ZNF2: variants seen among roughly 807,000 people sequenced by gnomAD.
ZNF2 encodes zinc finger protein 2, also known as zinc finger protein 2.2.
Under a neutral mutation model 21.9 loss-of-function variants are expected in ZNF2, and 12 were observed. That is an observed-to-expected ratio of 0.55 (90% confidence interval 0.35 to 0.89). The LOEUF is 0.89. ZNF2 is among the 40% of genes least tolerant of loss of function. The pLI is 0.01. For missense variants in ZNF2, 462 were observed against 544.2 expected, an observed-to-expected ratio of 0.85 and a Z score of 1.50; for synonymous variants, 186 against 196.3, an observed-to-expected ratio of 0.95 and a Z score of 0.44.
Position 95,181,548 on chromosome 2 carries a change from C to T in ZNF2, c.720C>T (p.Asp240=), listed in dbSNP as rs1298788631. 4.0e-5 allele frequency: 65 copies of T among 1,614,048 alleles called. 1 individual carries two copies. Among genetic ancestry groups the T allele is most frequent in the Non-Finnish European group, 5.3e-5 (63 of 1,180,038 alleles). The change falls in exon 5 of 5, where the codon GAC becomes GAT. Residue 240 remains aspartate, a synonymous_variant. Transcript: ENST00000614034. Reference sequence around the variant, plus strand: ...GTGTGTGCTCAAAAGCCTTCTTTGACCGTTCGTCCCTAACTGTCCATCAGC... The same window carrying T: ...GTGTGTGCTCAAAAGCCTTCTTTGATCGTTCGTCCCTAACTGTCCATCAGC... ...ECSVCSKAFF[D]RSSLTVHQRI...
chr2:95,170,466 C>T (rs1472053291), intron 1 of ZNF2, among the ~76,000 whole-genome samples: 1 of 152,094 alleles, frequency 6.6e-6, no homozygotes, highest in Admixed American at 6.6e-5. Context: ...TTAAATAACC[C>T]TGAGCTGTCT....
Position 95,181,336 on chromosome 2 carries a change from G to C in ZNF2, c.508G>C (p.Glu170Gln). Residue 170 changes from glutamate (E) to glutamine (Q), a missense_variant, in exon 5 of 5, where the codon GAG (glutamate) becomes CAG (glutamine). Coordinates refer to ENST00000614034, the MANE Select transcript of ZNF2 (RefSeq NM_021088.4). Reference sequence around the variant, plus strand: ...CCTGTCCAGGGAAATTCTCACTAAAGAGAGACACCAGGAATGCAGTGACTG... The same window carrying C: ...CCTGTCCAGGGAAATTCTCACTAAACAGAGACACCAGGAATGCAGTGACTG... ...SALSREILTK[E>Q]RHQECSDCGK... The C allele has an allele frequency of 1.2e-6, 2 of 1,614,212 alleles. No homozygotes were observed. The highest frequency in any genetic ancestry group is 1.7e-6 in the Non-Finnish European group (2 of 1,180,034).
At chr2:95,167,230 A>G (rs1202221341) in intron 1 of ZNF2, among the ~76,000 whole-genome samples, 8 of 152,240 alleles carry the variant, frequency 5.3e-5, no homozygotes, top group Admixed American at 5.2e-4. Context: ...ATGGCCGGGC[A>G]CAGTGGCTCA....
intron 3 of ZNF2, among the ~76,000 whole-genome samples, chr2:95,178,295 C>T (rs185769807): frequency 7.9e-5 from 12 of 152,200 alleles, no homozygotes; most frequent in Admixed American, 2.6e-4. Context: ...GAGAAACCGG[C>T]TTAAAATAAG....
chr2:95,168,124 GAAA>G (rs879786532), intron 1 of ZNF2, among the ~76,000 whole-genome samples: 1 of 136,486 alleles, frequency 7.3e-6, no homozygotes, highest in African/African-American at 2.7e-5. Context: ...AATGCTGGAA[GAAA>G]AAAAAAAAAA....
At chr2:95,168,037 T>G (rs1674142931) in intron 1 of ZNF2, among the ~76,000 whole-genome samples, 2 of 151,834 alleles carry the variant, frequency 1.3e-5, no homozygotes, top group African/African-American at 4.8e-5. Context: ...GGTCATGGGA[T>G]TCAGTGAAAA....
At position 95,181,584 on chromosome 2, in the gene ZNF2, T is replaced by C. The variant is rs1186606235; in HGVS notation, c.756T>C (p.Thr252=). The C allele has an allele frequency of 6.2e-6, 10 of 1,614,216 alleles. No individual in the cohort carries two copies. In the South Asian group the frequency reaches 1.1e-4, roughly 18 times the overall value. The change falls in exon 5 of 5, where the codon ACT becomes ACC. Residue 252 remains threonine, a synonymous_variant. Transcript: ENST00000614034. The part of the protein sequence containing the change: ...SSLTVHQRIH[T]GEKPFQCNEC... ...TAACTGTCCATCAGCGAATTCACAC[T>C]GGAGAGAAACCCTTTCAGTGCAACG...
At chr2:95,177,717 G>A in intron 3 of ZNF2, 108 bp downstream of exon 3, 2 of 1,375,394 alleles carry the variant, frequency 1.5e-6, no homozygotes, top group Non-Finnish European at 1.9e-6. Context: ...TGAGCCACCT[G>A]AGAGATAAAG....
rs777889749 is a variant in ZNF2 at position 95,176,202 on chromosome 2, C to T, written c.-25C>T. On this transcript the variant is annotated 5_prime_UTR_variant, in exon 2 of 5. Coordinates refer to ENST00000614034, the MANE Select transcript of ZNF2 (RefSeq NM_021088.4). ...TGCCTCATTAGGACTCTGCCCTTGT[C>T]CACAAGGAGAGCACACAGGAGAGAA... 2 of 1,613,994 alleles carry T rather than the reference C, an allele frequency of 1.2e-6. No homozygotes were observed. Among genetic ancestry groups the T allele is most frequent in the Non-Finnish European group, 1.7e-6 (2 of 1,179,988 alleles).
chr2:95,167,919 G>T (rs142612954), intron 1 of ZNF2, among the ~76,000 whole-genome samples: 11 of 152,138 alleles, frequency 7.2e-5, no homozygotes, highest in African/African-American at 2.2e-4. Context: ...TGAAAAACAG[G>T]GACTGGAGAA....
intron 2 of ZNF2, among the ~76,000 whole-genome samples, chr2:95,177,200 A>G (rs1474641284): frequency 6.6e-6 from 1 of 152,200 alleles, no homozygotes; most frequent in Non-Finnish European, 1.5e-5. Context: ...AAGCCAGGTG[A>G]AGGGTACACA....
chr2:95,180,042 G>A, intron 3 of ZNF2, 117 bp from the exon 4 acceptor site: 1 of 702,562 alleles, frequency 1.4e-6, no homozygotes, highest in Non-Finnish European at 2.5e-6. Flanking sequence ...GGGCGACAGA[G>A]TGAGATGCTG....
chr2:95,168,215 A>G (rs1674151175), intron 1 of ZNF2, among the ~76,000 whole-genome samples: 1 of 152,084 alleles, frequency 6.6e-6, no homozygotes, highest in African/African-American at 2.4e-5. Context: ...TCATGAGGTC[A>G]AGAGATTGAA....
At chr2:95,181,024 G>C (rs1173593481) in intron 4 of ZNF2, 79 bp from the exon 5 acceptor site, 1 of 1,508,194 alleles carries the variant, frequency 6.6e-7, no homozygotes, top group Non-Finnish European at 9.0e-7. Context: ...ATTACTTTCA[G>C]ACTCATCGGA....
intron 4 of ZNF2, among the ~76,000 whole-genome samples, chr2:95,180,706 C>T (rs935110977): frequency 1.1e-4 from 16 of 152,126 alleles, no homozygotes; most frequent in Admixed American, 3.3e-4. Flanking sequence ...GATGGGGTTT[C>T]GCCATGATGG....
rs372212740 is a variant in ZNF2, at chr2:95,177,497, C to G, written c.48C>G (p.Phe16Leu). Residue 16 changes from phenylalanine (F) to leucine (L), a missense_variant, in exon 3 of 5, where the codon TTC becomes TTG. Physicochemically the swap from Phe to Leu is conservative, Grantham distance 22. Transcript: ENST00000614034. ...TGTATTTTCAGGAATCAGTGACATTCGAAGACGTTGCCGTGGTTTTCACAG... is the reference window on the plus strand; with the variant it reads ...TGTATTTTCAGGAATCAGTGACATTGGAAGACGTTGCCGTGGTTTTCACAG... ...PTTRCQESVT[F>L]EDVAVVFTDE... 1.2e-6 allele frequency: 2 copies of G among 1,613,806 alleles called. No homozygotes were observed. The highest frequency in any genetic ancestry group is 1.7e-6 in the Non-Finnish European group (2 of 1,179,922).
At chr2:95,176,099 C>G in intron 1 of ZNF2, 89 bp from the exon 2 acceptor site, 2 of 1,140,514 alleles carry the variant, frequency 1.8e-6, no homozygotes, top group South Asian at 2.5e-5. Flanking sequence ...ACATATCCCC[C>G]TGGTATGTGC....
chr2:95,182,129 A>G lies in ZNF2; in HGVS notation c.*23A>G, dbSNP rs1158347300. ...TGAGTTGGGCAAAAGCTTGGGTAGG[A>G]CAAGAACTTCCATACAAATTTGAGA... On this transcript the variant is annotated 3_prime_UTR_variant, in exon 5 of 5. Transcript: ENST00000614034. 1 of 1,567,568 alleles carries G rather than the reference A, an allele frequency of 6.4e-7. No individual in the cohort carries two copies. Among genetic ancestry groups the G allele is most frequent in the East Asian group, 2.3e-5 (1 of 44,320 alleles).
rs1446895216 is a variant in ZNF2, at chr2:95,182,831, G to A, written c.*725G>A. 1.3e-5 allele frequency: 2 copies of A among 152,318 alleles called. No individual in the cohort carries two copies. The highest frequency in any genetic ancestry group is 1.9e-4 in the East Asian group (1 of 5,196). 9.4% of individuals were successfully genotyped at this position (152,318 alleles called of 1,614,324 possible). A position where few individuals can be genotyped will look rare whatever the true frequency, so the allele number is the denominator to read the frequency against. ...TATTCTCTTTACCATTATGCTCGATGGTTTGTTTGTTTTATAATTTATGTA... is the reference window on the plus strand; with the variant it reads ...TATTCTCTTTACCATTATGCTCGATAGTTTGTTTGTTTTATAATTTATGTA... On this transcript the variant is annotated 3_prime_UTR_variant, in exon 5 of 5. Coordinates refer to ENST00000614034, the MANE Select transcript of ZNF2 (RefSeq NM_021088.4).
Sources: gnomAD v4.1 joint callset for allele counts (sites outside exome capture counted in the v4.1 genomes callset) on GRCh38, gnomAD v4.1.1 for gene constraint, MANE v1.5 for transcripts, NCBI Gene and HGNC (gene_info 2026-07-23, HGNC 2026-07-21) for gene names.